Variants in IQGAP2 observed in about 807,000 individuals in gnomAD.
IQGAP2 encodes the protein ras GTPase-activating-like protein IQGAP2.
IQGAP2 carries 173 observed loss-of-function variants against 201.3 expected under a neutral mutation model. The observed-to-expected ratio is 0.86, with a 90% CI of 0.76 to 0.98. IQGAP2 has a LOEUF of 0.98. Ranked by LOEUF, IQGAP2 falls within the 50% of genes least tolerant of loss-of-function variation. The pLI is 0.00. For synonymous variants in IQGAP2, 675 were observed against 673.9 expected (o/e 1.00, Z -0.03); for missense variants, 1,687 against 1,864.8 (o/e 0.90, Z 1.76).
At chr5:76,563,331 T>A (rs1744512921) in intron 3 of IQGAP2, among the ~76,000 whole-genome samples, 1 of 152,168 alleles carries the variant, frequency 6.6e-6, no homozygotes, top group Admixed American at 6.5e-5. Context: ...AAAATAAACA[T>A]CAATTTTATA....
chr5:76,498,247 T>C (rs1049816859), intron 2 of IQGAP2, among the ~76,000 whole-genome samples: 1 of 152,254 alleles, frequency 6.6e-6, no homozygotes, highest in Non-Finnish European at 1.5e-5. Context: ...TAAACAAGTA[T>C]CTACATATTT....
chr5:76,517,604 CAAAAAA>C (rs36102224), intron 2 of IQGAP2, among the ~76,000 whole-genome samples: 4 of 83,312 alleles, frequency 4.8e-5, no homozygotes, highest in Admixed American at 3.9e-4. Flanking sequence ...GACCCTGTTT[CAAAAAA>C]AAAAAAAAAA....
At chr5:76,668,603 C>T in intron 22 of IQGAP2, 78 bp from the exon 23 acceptor site, 2 of 1,176,988 alleles carry the variant, frequency 1.7e-6, no homozygotes, top group South Asian at 1.4e-5. Flanking sequence ...GAATCAGATA[C>T]TGCTTTGTGC....
chr5:76,493,743 AAAG>A (rs1367984270), intron 2 of IQGAP2, among the ~76,000 whole-genome samples: 1 of 152,202 alleles, frequency 6.6e-6, no homozygotes, highest in Non-Finnish European at 1.5e-5. Flanking sequence ...TGCCTGGTAC[AAAG>A]AAGAAGCTCA....
rs536654503 is a variant in IQGAP2, at chr5:76,430,005, G to T, written c.46+26414G>T. ...TGTGGGTGGGGACAGGAGTTCCAGT[G>T]ATTTAAAGACTGATTTGAGGTCCTA... is the stretch of plus-strand genomic sequence containing the variant. On this transcript the variant is annotated intron_variant, in intron 1 of 35. Coordinates refer to ENST00000274364, the MANE Select transcript of IQGAP2 (RefSeq NM_006633.5). 2.0e-5 allele frequency among the ~76,000 whole-genome samples: 3 copies of T among 152,170 alleles called. No individual in the cohort carries two copies. In the South Asian group the frequency reaches 6.2e-4, roughly 31 times the overall value.
intron 3 of IQGAP2, among the ~76,000 whole-genome samples, chr5:76,566,351 A>G (rs1744748887): frequency 6.6e-6 from 1 of 152,200 alleles, no homozygotes; most frequent in Non-Finnish European, 1.5e-5. Context: ...GTGAGAAGAA[A>G]GTCACCTGTG....
chr5:76,519,345 C>T (rs1758530810), intron 2 of IQGAP2, among the ~76,000 whole-genome samples: 2 of 152,134 alleles, frequency 1.3e-5, no homozygotes, highest in South Asian at 2.1e-4. Context: ...CTTTATTCAA[C>T]GTAGTGCATT....
intron 2 of IQGAP2, among the ~76,000 whole-genome samples, chr5:76,496,801 T>G (rs1167952533): frequency 6.1e-5 from 9 of 147,052 alleles, no homozygotes; most frequent in African/African-American, 2.1e-4. Flanking sequence ...TTCTCTTTCT[T>G]TCTTTCTCTT....
intron 24 of IQGAP2, among the ~76,000 whole-genome samples, chr5:76,672,651 G>A (rs1257348407): frequency 6.6e-6 from 1 of 152,128 alleles, no homozygotes; most frequent in African/African-American, 2.4e-5. Flanking sequence ...GGAGTTAGGT[G>A]CAATAACCCA....
intron 2 of IQGAP2, among the ~76,000 whole-genome samples, chr5:76,496,757 C>CTTTTCTTTCT (rs780938080): frequency 2.5e-5 from 2 of 79,268 alleles, no homozygotes; most frequent in East Asian, 3.0e-4. Flanking sequence ...TTCTTTCTTT[C>CTTTTCTTTCT]TTTCTTTCTT....
chr5:76,603,272 T>G (rs145043461), intron 11 of IQGAP2, among the ~76,000 whole-genome samples: 4 of 152,278 alleles, frequency 2.6e-5, no homozygotes, highest in South Asian at 2.1e-4. Context: ...TACCATACAT[T>G]ATGTTCTGTG....
At chr5:76,505,530 G>A (rs141577428) in intron 2 of IQGAP2, among the ~76,000 whole-genome samples, 385 of 152,196 alleles carry the variant, frequency 2.5e-3, no homozygotes, top group African/African-American at 8.9e-3. Flanking sequence ...GCATTTTACC[G>A]ATGCTAATTT....
chr5:76,556,966 A>C (rs1227623029), intron 2 of IQGAP2, among the ~76,000 whole-genome samples: 1 of 152,220 alleles, frequency 6.6e-6, no homozygotes, highest in Non-Finnish European at 1.5e-5. Context: ...TAGGTGACAA[A>C]GAGGAAGTTC....
intron 13 of IQGAP2, among the ~76,000 whole-genome samples, chr5:76,619,642 C>G (rs992820227): frequency 1.3e-5 from 2 of 151,564 alleles, no homozygotes; most frequent in Non-Finnish European, 2.9e-5. Flanking sequence ...TCAGCCTCCC[C>G]AGTAGCTGGG....
At chr5:76,703,820 G>A (rs1317857923) in intron 35 of IQGAP2, among the ~76,000 whole-genome samples, 1 of 152,074 alleles carries the variant, frequency 6.6e-6, no homozygotes, top group Non-Finnish European at 1.5e-5. Context: ...TTACAAAATG[G>A]TTTCCAGGTA....
At chr5:76,492,529 G>C (rs956260578) in intron 2 of IQGAP2, among the ~76,000 whole-genome samples, 1 of 152,212 alleles carries the variant, frequency 6.6e-6, no homozygotes, top group South Asian at 2.1e-4. Context: ...GAGATTTCCT[G>C]TTCTGGAATT....
chr5:76,503,174 C>CTTTTTTTTTTTTTTT (rs11297908), intron 2 of IQGAP2, among the ~76,000 whole-genome samples: 6 of 109,356 alleles, frequency 5.5e-5, no homozygotes, highest in South Asian at 3.0e-4. Context: ...CTTTTCTTTT[C>CTTTTTTTTTTTTTTT]TTTTTTTTTT....
chr5:76,610,994 A>C, intron 12 of IQGAP2, 26 bp from the exon 13 acceptor site: 2 of 1,591,918 alleles, frequency 1.3e-6, no homozygotes, highest in Non-Finnish European at 1.7e-6. Flanking sequence ...GTGACTTAAA[A>C]GGAAAACTAC....
Position 76,597,509 on chromosome 5 carries a change from G to C in IQGAP2, c.978G>C (p.Leu326=). The change falls in exon 10 of 36, where the codon CTG becomes CTC. Residue 326 remains leucine, a synonymous_variant. Coordinates refer to ENST00000274364, the MANE Select transcript of IQGAP2 (RefSeq NM_006633.5). ...ACCCCGAGAATACGCTGCTTGCACT[G>C]AAGAAACCAGAGGCCCAGCTGCCTG... ...EGDPENTLLA[L]KKPEAQLPAV... The C allele has an allele frequency of 6.2e-7, 1 of 1,613,862 alleles. No individual in the cohort carries two copies. Among genetic ancestry groups the C allele is most frequent in the Non-Finnish European group, 8.5e-7 (1 of 1,179,930 alleles).
Sources: allele counts gnomAD v4.1 joint callset (sites outside exome capture counted in the v4.1 genomes callset), GRCh38; gene constraint gnomAD v4.1.1; transcripts MANE v1.5; gene names NCBI Gene and HGNC (gene_info 2026-07-23, HGNC 2026-07-21).